TMEM178B: variants seen among roughly 807,000 people sequenced by gnomAD.
The protein encoded by TMEM178B is transmembrane protein 178B.
TMEM178B carries 5 observed loss-of-function variants against 31.0 expected under a neutral mutation model. The observed-to-expected ratio is 0.16, with a 90% CI of 0.08 to 0.34. TMEM178B has a LOEUF of 0.34. TMEM178B is among the 10% of genes least tolerant of loss of function. The pLI is 1.00. For missense variants in TMEM178B, 275 were observed against 400.3 expected (o/e 0.69, Z 2.67); for synonymous variants, 164 against 164.0 (o/e 1.00, Z 0.00).
At chr7:141,084,020 G>C (rs1363568249) in intron 1 of TMEM178B, among the ~76,000 whole-genome samples, 1 of 152,194 alleles carries the variant, frequency 6.6e-6, no homozygotes, top group East Asian at 1.9e-4. Context: ...GGCCAGGCTG[G>C]TCTCGAACTC....
At chr7:141,253,589 T>C (rs558550961) in intron 2 of TMEM178B, among the ~76,000 whole-genome samples, 3 of 149,908 alleles carry the variant, frequency 2.0e-5, no homozygotes, top group African/African-American at 7.4e-5. Flanking sequence ...TCACTCTTGT[T>C]GCCCAAGCTG....
At chr7:141,252,136 A>C (rs1446058877) in intron 2 of TMEM178B, among the ~76,000 whole-genome samples, 1 of 152,198 alleles carries the variant, frequency 6.6e-6, no homozygotes, top group African/African-American at 2.4e-5. Flanking sequence ...AAAGACTAGA[A>C]GGCCTGCCAT....
At position 141,083,503 on chromosome 7, in the gene TMEM178B, G is replaced by GAGAGAC. The variant is rs1554447380; in HGVS notation, c.382+8814_382+8815insGACAGA. ...AGAGGAAGGGAGGGAGAGAGAGAGA[G>GAGAGAC]AGACAGACAGACAGACAGACAGACA... On this transcript the variant is annotated intron_variant, in intron 1 of 3. Coordinates refer to ENST00000565468, the MANE Select transcript of TMEM178B (RefSeq NM_001195278.2). Among the ~76,000 whole-genome samples, 88 of 148,504 alleles carry GAGAGAC rather than the reference G, an allele frequency of 5.9e-4. No individual in the cohort carries two copies. The East Asian group carries it at 0.011, about 18-fold the overall frequency.
chr7:141,337,165 C>T (rs1340087227), intron 2 of TMEM178B, among the ~76,000 whole-genome samples: 1 of 82,508 alleles, frequency 1.2e-5, no homozygotes, highest in Non-Finnish European at 2.3e-5. Flanking sequence ...CCATCACCAC[C>T]ACCACCACCA....
chr7:141,346,806 T>G (rs989964271), intron 2 of TMEM178B, among the ~76,000 whole-genome samples: 1 of 152,228 alleles, frequency 6.6e-6, no homozygotes, highest in African/African-American at 2.4e-5. Flanking sequence ...AAAGCAAATT[T>G]CCATAACAAA....
intron 3 of TMEM178B, among the ~76,000 whole-genome samples, chr7:141,444,383 A>G (rs775411956): frequency 1.3e-5 from 2 of 152,210 alleles, no homozygotes; most frequent in Non-Finnish European, 2.9e-5. Context: ...AACAAACAAA[A>G]TATTTTGGTT....
At chr7:141,125,902 G>A (rs1586783773) in intron 1 of TMEM178B, among the ~76,000 whole-genome samples, 1 of 152,152 alleles carries the variant, frequency 6.6e-6, no homozygotes, top group Non-Finnish European at 1.5e-5. Context: ...ACCTGTTAAA[G>A]CCCAGCTTTG....
At chr7:141,077,115 T>C (rs1311482954) in intron 1 of TMEM178B, among the ~76,000 whole-genome samples, 2 of 152,258 alleles carry the variant, frequency 1.3e-5, no homozygotes, top group East Asian at 3.8e-4. Flanking sequence ...TTACACTTAG[T>C]GTTCCTCTTA....
intron 1 of TMEM178B, among the ~76,000 whole-genome samples, chr7:141,096,075 A>G (rs1794956239): frequency 6.6e-6 from 1 of 152,192 alleles, no homozygotes; most frequent in Admixed American, 6.5e-5. Flanking sequence ...ACTATACAAC[A>G]TGATCAGCCT....
the TMEM178B span, among the ~76,000 whole-genome samples, chr7:141,487,093 G>A: frequency 6.6e-6 from 1 of 152,132 alleles, no homozygotes; most frequent in African/African-American, 2.4e-5. Context: ...AATGTTCGCT[G>A]CAACTTCATG....
At chr7:141,159,901 A>G (rs1796140124) in intron 1 of TMEM178B, among the ~76,000 whole-genome samples, 1 of 151,812 alleles carries the variant, frequency 6.6e-6, no homozygotes, top group Admixed American at 6.6e-5. Flanking sequence ...CAACAACATG[A>G]ATGAACTGAA....
intron 2 of TMEM178B, among the ~76,000 whole-genome samples, chr7:141,277,003 A>G (rs1012127801): frequency 2.6e-5 from 4 of 152,238 alleles, no homozygotes; most frequent in African/African-American, 9.6e-5. Flanking sequence ...GCAGAACTGG[A>G]AGTTGCTCTG....
chr7:141,380,280 A>G (rs951870257), intron 2 of TMEM178B, among the ~76,000 whole-genome samples: 4 of 151,944 alleles, frequency 2.6e-5, no homozygotes, highest in Non-Finnish European at 5.9e-5. Flanking sequence ...CACTGTGCAC[A>G]AAATCTAATC....
chr7:141,302,883 G>A (rs1332629259), intron 2 of TMEM178B, among the ~76,000 whole-genome samples: 1 of 152,130 alleles, frequency 6.6e-6, no homozygotes, highest in Non-Finnish European at 1.5e-5. Context: ...TTGACCTCCG[G>A]GCACAGAAGA....
chr7:141,207,606 A>T (rs776457736), intron 1 of TMEM178B, among the ~76,000 whole-genome samples: 2 of 152,144 alleles, frequency 1.3e-5, no homozygotes, highest in African/African-American at 2.4e-5. Flanking sequence ...TGTCTGTTCA[A>T]ATCCTTTCCC....
intron 2 of TMEM178B, among the ~76,000 whole-genome samples, chr7:141,323,216 AATGC>A: frequency 6.6e-6 from 1 of 152,342 alleles, no homozygotes; most frequent in East Asian, 1.9e-4. Context: ...TAGAAAATCC[AATGC>A]AGAAGGAATA....
chr7:141,210,029 C>G (rs1410684337), intron 1 of TMEM178B, among the ~76,000 whole-genome samples: 1 of 152,080 alleles, frequency 6.6e-6, no homozygotes, highest in Non-Finnish European at 1.5e-5. Context: ...TCACATTTTC[C>G]TTTATAGAAT....
chr7:141,255,397 G>T (rs1039608421), intron 2 of TMEM178B, among the ~76,000 whole-genome samples: 35 of 152,270 alleles, frequency 2.3e-4, no homozygotes, highest in African/African-American at 8.2e-4. Flanking sequence ...AGGCAGAAAA[G>T]GAGTAACCAG....
chr7:141,325,686 A>C (rs1799177563), intron 2 of TMEM178B, among the ~76,000 whole-genome samples: 1 of 152,196 alleles, frequency 6.6e-6, no homozygotes, highest in Admixed American at 6.5e-5. Context: ...CCATGTTCTC[A>C]GACTTGGAAA....
Sources: allele counts gnomAD v4.1 joint callset (sites outside exome capture counted in the v4.1 genomes callset), GRCh38; gene constraint gnomAD v4.1.1; transcripts MANE v1.5; gene names NCBI Gene and HGNC (gene_info 2026-07-23, HGNC 2026-07-21).